The following SPINT2 variants were observed in gnomAD, a reference collection of about 807,000 sequenced individuals.
The protein encoded by SPINT2 is kunitz-type protease inhibitor 2.
A neutral mutation model predicts 30.1 loss-of-function variants in SPINT2; 18 were observed. That is an observed-to-expected ratio of 0.60 (90% CI 0.41 to 0.89). The LOEUF is 0.89. SPINT2 is among the 40% of genes least tolerant of loss of function. The probability of loss-of-function intolerance (pLI) is 0.00; values close to 1 mark genes in which losing one functional copy is unlikely to be tolerated. For missense variants in SPINT2, 276 were observed against 334.3 expected (o/e 0.83, Z 1.36); for synonymous variants, 139 against 137.9 (o/e 1.01, Z -0.05).
chr19:38,291,496 T>G (rs543651567), intron 6 of SPINT2: 1 of 293,270 alleles, frequency 3.4e-6, no homozygotes, highest in East Asian at 7.6e-5. Context: ...TAAGTGTTTT[T>G]TACACCCTTG....
rs960010590 is a variant in SPINT2 at position 38,271,441 on chromosome 19, G to A, written c.106+6443G>A. On this transcript the variant is annotated intron_variant, in intron 1 of 6. Transcript: ENST00000301244. ...CAGGAAGTGGAGCTTGCAGTGAGCT[G>A]AGATCATGCCACTGCACTCCAGCCT... Among the ~76,000 whole-genome samples the A allele has an allele frequency of 1.7e-3, 261 of 151,886 alleles. 1 individual carries two copies. Among genetic ancestry groups the A allele is most frequent in the African/African-American group, 6.2e-3 (256 of 41,386 alleles).
intron 1 of SPINT2, among the ~76,000 whole-genome samples, chr19:38,277,511 G>A (rs1290869967): frequency 1.3e-5 from 2 of 152,122 alleles, no homozygotes; most frequent in East Asian, 1.9e-4. Flanking sequence ...ATCTTGCTAA[G>A]CCTATAAAAT....
intron 1 of SPINT2, among the ~76,000 whole-genome samples, chr19:38,281,309 G>T (rs111888197): frequency 1.2e-3 from 181 of 152,184 alleles, no homozygotes; most frequent in Non-Finnish European, 1.9e-3. Context: ...AGCTACTCAG[G>T]AGGCTGAGGT....
intron 1 of SPINT2, chr19:38,265,653 T>G (rs1298006336): frequency 6.6e-6 from 1 of 152,266 alleles, no homozygotes; most frequent in Non-Finnish European, 1.5e-5. Flanking sequence ...TAAGGTGATT[T>G]AAACTTCTAC....
chr19:38,271,789 A>G (rs1968460137), intron 1 of SPINT2, among the ~76,000 whole-genome samples: 1 of 152,140 alleles, frequency 6.6e-6, no homozygotes, highest in Non-Finnish European at 1.5e-5. Context: ...ACTGCAGTCC[A>G]GCCTGGGAGA....
intron 1 of SPINT2, among the ~76,000 whole-genome samples, chr19:38,281,782 G>A (rs1968584075): frequency 6.6e-6 from 1 of 151,924 alleles, no homozygotes; most frequent in African/African-American, 2.4e-5. Context: ...CTTCTACAGA[G>A]CTGTGCAGCT....
At chr19:38,268,766 C>CGCGTGTGTGTGTGT (rs375982086) in intron 1 of SPINT2, among the ~76,000 whole-genome samples, 16 of 149,818 alleles carry the variant, frequency 1.1e-4, no homozygotes, top group African/African-American at 3.4e-4. Context: ...TGCGCGCGCG[C>CGCGTGTGTGTGTGT]GTGTGTGTGT....
chr19:38,281,485 G>A (rs1266405744), intron 1 of SPINT2, among the ~76,000 whole-genome samples: 3 of 152,012 alleles, frequency 2.0e-5, no homozygotes, highest in East Asian at 3.9e-4. Flanking sequence ...TGAGATGGGC[G>A]GATCACCTGA....
In SPINT2 at chr19:38,283,781, A is replaced by G; in HGVS notation, c.261A>G (p.Lys87=). The part of the protein sequence containing the change: ...NYLTKEECLK[K]CATVTENATG... The stretch of plus-strand genomic sequence containing the variant: ...TGACCAAGGAGGAGTGCCTCAAGAA[A>G]TGTGCCACTGTCACAGGTGAGATGG... The change falls in exon 2 of 7, where the codon AAA becomes AAG. Residue 87 remains lysine (K), a synonymous_variant. Transcript: ENST00000301244. 6.2e-7 allele frequency: 1 copy of G among 1,610,730 alleles called. No homozygotes were observed. Among genetic ancestry groups the G allele is most frequent in the Non-Finnish European group, 8.5e-7 (1 of 1,179,056 alleles).
intron 1 of SPINT2, among the ~76,000 whole-genome samples, chr19:38,279,354 T>G (rs36035956): frequency 0.43 from 65,044 of 151,424 alleles, 14,735 homozygotes; most frequent in East Asian, 0.73. Context: ...CGAAATTAGC[T>G]GGTGTGATGG....
Position 38,292,081 on chromosome 19 carries a change from T to G in SPINT2, c.*75T>G. 1.3e-6 allele frequency: 2 copies of G among 1,552,892 alleles called. No individual in the cohort carries two copies. Among genetic ancestry groups the G allele is most frequent in the Non-Finnish European group, 1.7e-6 (2 of 1,142,878 alleles). On this transcript the variant is annotated 3_prime_UTR_variant, in exon 7 of 7. Coordinates refer to ENST00000301244, the MANE Select transcript of SPINT2 (RefSeq NM_021102.4). The stretch of plus-strand genomic sequence containing the variant: ...GCTTTTTTTAAATAGAGGGATTGAC[T>G]CGGATTTGAGTGATCATTAGGGCTG...
chr19:38,274,319 C>CT (rs202066194), intron 1 of SPINT2, among the ~76,000 whole-genome samples: 3,727 of 150,618 alleles, frequency 0.025, 59 homozygotes, highest in South Asian at 0.034. Flanking sequence ...TTTTTTCTTT[C>CT]TTTTTTTTTG....
intron 3 of SPINT2, among the ~76,000 whole-genome samples, chr19:38,288,146 G>T (rs1394149872): frequency 1.3e-5 from 2 of 152,180 alleles, no homozygotes; most frequent in East Asian, 3.9e-4. Flanking sequence ...AGGGGCCGGG[G>T]ATCCTGCAGC....
intron 3 of SPINT2, chr19:38,288,296 T>G: frequency 2.5e-6 from 1 of 393,040 alleles, no homozygotes; most frequent in Non-Finnish European, 4.8e-6. Context: ...TGTCTGCCTG[T>G]TCTGTCTCCT....
chr19:38,264,824 G>A lies in SPINT2; in HGVS notation c.-69G>A. ...CTCCATTGCGCGTGCGCGTTGAGGG[G>A]CTTCCCGCACCTGATCGCGAGACCC... On this transcript the variant is annotated 5_prime_UTR_variant, in exon 1 of 7. Coordinates refer to ENST00000301244, the MANE Select transcript of SPINT2 (RefSeq NM_021102.4). 6.8e-7 allele frequency: 1 copy of A among 1,479,664 alleles called. No individual in the cohort carries two copies. The allele number at this position is 1,479,664 out of a possible 1,614,324, so 91.7% of individuals were successfully genotyped here.
Position 38,290,429 on chromosome 19 carries a change from G to T in SPINT2, c.554-108G>T. 6.2e-7 allele frequency: 1 copy of T among 1,600,814 alleles called. No homozygotes were observed. The highest frequency in any genetic ancestry group is 8.5e-7 in the Non-Finnish European group (1 of 1,172,664). ...TAAGCCCCAGAAAAGCTGGAAGAAA[G>T]CCCCTCAGAAAGAGCTCCCCATGGA... On this transcript the variant is annotated intron_variant, in intron 5 of 6. Coordinates refer to ENST00000301244, the MANE Select transcript of SPINT2 (RefSeq NM_021102.4). The surrounding 1 kb of genome is among the most constrained non-coding windows in gnomAD (Gnocchi z 4.3).
At chr19:38,289,846 G>A (rs1280656750) in intron 4 of SPINT2, 2 of 514,484 alleles carry the variant, frequency 3.9e-6, no homozygotes, top group East Asian at 7.2e-5. Context: ...AAGGGTCCCA[G>A]ATAGGTCTCA....
At chr19:38,277,639 T>C (rs1221308176) in intron 1 of SPINT2, among the ~76,000 whole-genome samples, 4 of 152,248 alleles carry the variant, frequency 2.6e-5, no homozygotes, top group Non-Finnish European at 4.4e-5. Flanking sequence ...GCTGATTGTC[T>C]TGGTTAAAGC....
intron 1 of SPINT2, among the ~76,000 whole-genome samples, chr19:38,275,146 T>C (rs1486377566): frequency 1.3e-5 from 2 of 152,244 alleles, no homozygotes; most frequent in Non-Finnish European, 2.9e-5. Flanking sequence ...GTAAGTTATA[T>C]GGTGAGAAGA....
Sources: gnomAD v4.1 joint callset for allele counts (sites outside exome capture counted in the v4.1 genomes callset) on GRCh38, gnomAD v4.1.1 for gene constraint, Gnocchi (gnomAD v3.1) non-coding constraint, MANE v1.5 for transcripts, NCBI Gene and HGNC (gene_info 2026-07-23, HGNC 2026-07-21) for gene names.